CCDC144A: variants seen among roughly 807,000 people sequenced by gnomAD.
The protein encoded by CCDC144A is coiled-coil domain containing 144A.
Under a neutral mutation model 143.8 loss-of-function variants are expected in CCDC144A, and 41 were observed. The observed-to-expected ratio is 0.29, with a 90% CI of 0.22 to 0.37. CCDC144A has a LOEUF of 0.37. Ranked by LOEUF, CCDC144A falls within the 10% of genes least tolerant of loss-of-function variation. CCDC144A has a pLI of 1.00. For missense variants in CCDC144A, 637 were observed against 1,488.8 expected (o/e 0.43, Z 9.41); for synonymous variants, 242 against 517.9 (o/e 0.47, Z 7.23).
intron 1 of CCDC144A, 92 bp from the exon 2 acceptor site, chr17:16,692,887 A>G (rs549744999): frequency 9.1e-7 from 1 of 1,095,436 alleles, no homozygotes; most frequent in African/African-American, 1.6e-5. Context: ...ATTAACTCTG[A>G]TATTGTTTGA....
At chr17:16,683,638 A>G in the CCDC144A span, 6 of 1,610,638 alleles carry the variant, frequency 3.7e-6, no homozygotes, top group Non-Finnish European at 4.2e-6. Context: ...GAGGCCTGGG[A>G]CTTTGTCAGG....
At chr17:16,717,737 T>G (rs1276780654) in intron 6 of CCDC144A, among the ~76,000 whole-genome samples, 1 of 152,202 alleles carries the variant, frequency 6.6e-6, no homozygotes, top group Admixed American at 6.5e-5. Context: ...CATAACTGTG[T>G]TTTTTGAATT....
At chr17:16,686,087 TTTTG>T, upstream of CCDC144A, among the ~76,000 whole-genome samples, 1 of 138,750 alleles carries the variant, frequency 7.2e-6, no homozygotes. Flanking sequence ...CGGCTGTTTT[TTTTG>T]TTTTTTTTTT....
At chr17:16,747,592 C>T (rs535038300) in intron 12 of CCDC144A, among the ~76,000 whole-genome samples, 1 of 152,280 alleles carries the variant, frequency 6.6e-6, no homozygotes, top group East Asian at 1.9e-4. Flanking sequence ...TATTTGGTGT[C>T]ATGATTTTTT....
At chr17:16,697,917 G>T (rs71301142) in intron 2 of CCDC144A, among the ~76,000 whole-genome samples, 3 of 152,172 alleles carry the variant, frequency 2.0e-5, no homozygotes, top group Non-Finnish European at 4.4e-5. Context: ...GCATTTAACC[G>T]GGACACGAGG....
intron 12 of CCDC144A, among the ~76,000 whole-genome samples, chr17:16,738,041 G>A (rs1343512829): frequency 6.6e-6 from 1 of 151,806 alleles, no homozygotes; most frequent in Non-Finnish European, 1.5e-5. Context: ...ATAGGATAAT[G>A]TTTAATAGAA....
chr17:16,689,308 GTC>G (rs1286254869), upstream of CCDC144A, among the ~76,000 whole-genome samples: 11 of 152,088 alleles, frequency 7.2e-5, no homozygotes, highest in Non-Finnish European at 1.2e-4. Flanking sequence ...AGATTCTCCT[GTC>G]TCAGCCTCTG....
intron 12 of CCDC144A, among the ~76,000 whole-genome samples, chr17:16,759,011 G>T (rs1915232563): frequency 6.6e-6 from 1 of 152,246 alleles, no homozygotes; most frequent in South Asian, 2.1e-4. Context: ...AAGGGAATTT[G>T]AGGCACCACC....
chr17:16,675,191 C>G, the CCDC144A span, among the ~76,000 whole-genome samples: 1 of 151,074 alleles, frequency 6.6e-6, no homozygotes, highest in Non-Finnish European at 1.5e-5. Flanking sequence ...AGCGCCTGAA[C>G]CTGGCAGGTG....
At chr17:16,717,817 T>C (rs901548671) in intron 6 of CCDC144A, among the ~76,000 whole-genome samples, 9 of 152,228 alleles carry the variant, frequency 5.9e-5, no homozygotes, top group Non-Finnish European at 1.2e-4. Flanking sequence ...AGAATTATTA[T>C]AAAACATTGG....
In CCDC144A at chr17:16,707,399, T is replaced by C. The variant is rs185404204; in HGVS notation, c.665-70T>C. ...ATAAAATGAAATGTAATTTAAAATC[T>C]ATTTTTATAAAGACTATGTCTTTTA... On this transcript the variant is annotated intron_variant, in intron 3 of 16. Coordinates refer to ENST00000399273, the MANE Select transcript of CCDC144A (RefSeq NM_001382000.1). 599 of 806,762 alleles carry C rather than the reference T, an allele frequency of 7.4e-4. 5 individuals are homozygous for C. In the African/African-American group the frequency reaches 0.01, roughly 14 times the overall value. 50.0% of individuals were successfully genotyped at this position (806,762 alleles called of 1,614,324 possible). A position where few individuals can be genotyped will look rare whatever the true frequency, so the allele number is the denominator to read the frequency against.
intron 2 of CCDC144A, among the ~76,000 whole-genome samples, chr17:16,699,398 C>G (rs1363012842): frequency 6.7e-6 from 1 of 148,946 alleles, no homozygotes. Flanking sequence ...GTTGTTGAGA[C>G]GGAGTCTCGC....
chr17:16,696,633 C>CA (rs536770820), intron 2 of CCDC144A, among the ~76,000 whole-genome samples: 2,963 of 71,464 alleles, frequency 0.041, 112 homozygotes, highest in African/African-American at 0.13. Context: ...GACTCTGTCT[C>CA]AAAAAAAAAA....
chr17:16,691,465 T>G (rs1022532540), intron 1 of CCDC144A, among the ~76,000 whole-genome samples: 1 of 151,752 alleles, frequency 6.6e-6, no homozygotes, highest in Non-Finnish European at 1.5e-5. Context: ...TATCCATGTA[T>G]AAAATGAGAG....
In CCDC144A at chr17:16,775,762, G is replaced by A. The variant is rs951639468; in HGVS notation, c.*2129G>A. 18 of 152,292 alleles carry A rather than the reference G, an allele frequency of 1.2e-4. No individual in the cohort carries two copies. In the East Asian group the frequency reaches 2.7e-3, roughly 23 times the overall value. The allele number at this position is 152,292 out of a possible 1,614,324, so 9.4% of individuals were successfully genotyped here. On this transcript the variant is annotated 3_prime_UTR_variant, in exon 17 of 17. Transcript: ENST00000399273. The stretch of plus-strand genomic sequence containing the variant: ...TGTTGCAATTGCTTTTGGCATCTTC[G>A]TCATGAAATCTTTGCCCTTGCCTGT...
intron 12 of CCDC144A, among the ~76,000 whole-genome samples, chr17:16,741,637 G>A (rs1182741528): frequency 2.6e-5 from 4 of 151,898 alleles, no homozygotes; most frequent in Non-Finnish European, 2.9e-5. Flanking sequence ...TTTTAGACAT[G>A]GTGTCTTATT....
intron 8 of CCDC144A, among the ~76,000 whole-genome samples, chr17:16,724,064 T>C (rs1432694816): frequency 6.6e-6 from 1 of 151,770 alleles, no homozygotes; most frequent in Non-Finnish European, 1.5e-5. Flanking sequence ...TTCAAAATAC[T>C]CTCTAATTTC....
At chr17:16,738,824 G>A (rs1227109958) in intron 12 of CCDC144A, among the ~76,000 whole-genome samples, 2 of 152,078 alleles carry the variant, frequency 1.3e-5, no homozygotes, top group African/African-American at 2.4e-5. Flanking sequence ...TTGAATTTCT[G>A]GGTCATATGG....
chr17:16,737,474 A>T, intron 12 of CCDC144A: 14 of 1,267,488 alleles, frequency 1.1e-5, no homozygotes, highest in Non-Finnish European at 1.4e-5. Flanking sequence ...CCAGAGTTAA[A>T]TCTTACTACC....
Sources: allele counts gnomAD v4.1 joint callset (sites outside exome capture counted in the v4.1 genomes callset), GRCh38; gene constraint gnomAD v4.1.1; transcripts MANE v1.5; gene names NCBI Gene and HGNC (gene_info 2026-07-23, HGNC 2026-07-21).